The following NRAP variants were observed in gnomAD, a reference collection of about 807,000 sequenced individuals.
NRAP encodes the protein nebulin-related-anchoring protein.
Under a neutral mutation model 225.9 loss-of-function variants are expected in NRAP, and 189 were observed. That is an observed-to-expected ratio of 0.84 (90% CI 0.74 to 0.94). The LOEUF is 0.94. Ranked by LOEUF, NRAP falls within the 40% of genes least tolerant of loss-of-function variation. NRAP has a pLI of 0.00. For missense variants in NRAP, 2,176 were observed against 2,168.7 expected (o/e 1.00, Z -0.07); for synonymous variants, 769 against 790.7 (o/e 0.97, Z 0.46).
chr10:113,589,548 T>G, intron 41 of NRAP, 118 bp downstream of exon 41: 1 of 1,271,558 alleles, frequency 7.9e-7, no homozygotes, highest in Non-Finnish European at 1.1e-6. Context: ...GAGCTGCGTT[T>G]CACACTTCTT....
chr10:113,639,563 T>G (rs1247028447), intron 14 of NRAP, among the ~76,000 whole-genome samples: 9 of 152,258 alleles, frequency 5.9e-5, no homozygotes, highest in African/African-American at 2.2e-4. Flanking sequence ...ACCTTTCTTC[T>G]AAGCCACCTT....
rs149197500 is a variant in NRAP at position 113,636,402 on chromosome 10, C to A, written c.1429-2192G>T. On this transcript the variant is annotated intron_variant, in intron 14 of 41. Coordinates refer to ENST00000359988, the MANE Select transcript of NRAP (RefSeq NM_198060.4). ...TCCTATCTGCTGCTAACTCCTATGG[C>A]CACCTCCCTGAGATGACAGCCCACC... Among the ~76,000 whole-genome samples, 76 of 152,276 alleles carry A rather than the reference C, an allele frequency of 5.0e-4. No homozygotes were observed. In the East Asian group the frequency reaches 0.014, roughly 27 times the overall value.
At chr10:113,590,327 G>A (rs983392137) in intron 40 of NRAP, among the ~76,000 whole-genome samples, 17 of 152,224 alleles carry the variant, frequency 1.1e-4, no homozygotes, top group African/African-American at 3.6e-4. Context: ...AAATGAAGCA[G>A]CCCTGGGGTT....
Position 113,610,355 on chromosome 10 carries a change from A to T in NRAP, c.3603+104T>A, listed in dbSNP as rs980206628. ...ACAGAGCGAGACTCCATCTCAAATT[A>T]AAAAAAAAAAAAAAAAAAGGAAGAA... is the stretch of plus-strand genomic sequence containing the variant. On this transcript the variant is annotated intron_variant, in intron 31 of 41. Transcript: ENST00000359988. 49 of 117,212 alleles carry T rather than the reference A, an allele frequency of 4.2e-4. No individual in the cohort carries two copies. In the East Asian group the frequency reaches 4.5e-3, roughly 11 times the overall value. The allele number at this position is 117,212 out of a possible 1,614,324, so 7.3% of individuals were successfully genotyped here. A position where few individuals can be genotyped will look rare whatever the true frequency, so the allele number is the denominator to read the frequency against.
chr10:113,635,586 C>T (rs1012714385), intron 14 of NRAP, among the ~76,000 whole-genome samples: 3 of 152,170 alleles, frequency 2.0e-5, no homozygotes, highest in Non-Finnish European at 2.9e-5. Context: ...CACCACTATG[C>T]CTGGCTAATT....
At chr10:113,612,071 C>T (rs1308229203) in intron 30 of NRAP, among the ~76,000 whole-genome samples, 163 bp downstream of exon 30, 1 of 152,120 alleles carries the variant, frequency 6.6e-6, no homozygotes, top group African/African-American at 2.4e-5. Context: ...TGTAACTGTG[C>T]TTAAGGGATG....
intron 36 of NRAP, among the ~76,000 whole-genome samples, chr10:113,597,498 CA>C (rs1447775506): frequency 2.0e-5 from 3 of 152,188 alleles, no homozygotes; most frequent in African/African-American, 7.2e-5. Context: ...TGTCCAAATA[CA>C]TTCTGTTATT....
At chr10:113,614,396 T>C (rs1847517864) in intron 28 of NRAP, 100 bp from the exon 29 acceptor site, 1 of 847,092 alleles carries the variant, frequency 1.2e-6, no homozygotes, top group Non-Finnish European at 2.0e-6. Context: ...CTTTTGACAG[T>C]AGCTGGGTGA....
intron 35 of NRAP, among the ~76,000 whole-genome samples, chr10:113,604,219 C>T (rs535328385): frequency 1.3e-3 from 193 of 152,236 alleles, no homozygotes; most frequent in Non-Finnish European, 1.4e-3. Context: ...CGGGTTCAAG[C>T]GATTCTCCTG....
chr10:113,591,645 C>G (rs1715956439), intron 39 of NRAP, among the ~76,000 whole-genome samples: 1 of 152,228 alleles, frequency 6.6e-6, no homozygotes, highest in Admixed American at 6.5e-5. Flanking sequence ...GGTGCCCTCT[C>G]TTGCAGAATA....
At chr10:113,625,264 CA>C (rs781769786) in intron 21 of NRAP, among the ~76,000 whole-genome samples, 6 of 152,156 alleles carry the variant, frequency 3.9e-5, no homozygotes, top group African/African-American at 9.7e-5. Flanking sequence ...AATACCCCAC[CA>C]GGGGGTTCAG....
intron 3 of NRAP, among the ~76,000 whole-genome samples, chr10:113,660,070 A>ACACACG (rs959623032): frequency 6.6e-6 from 1 of 150,524 alleles, no homozygotes; most frequent in Admixed American, 6.7e-5. Flanking sequence ...ACACACACAC[A>ACACACG]CACACACACA....
intron 3 of NRAP, among the ~76,000 whole-genome samples, chr10:113,661,505 G>C (rs1419990638): frequency 6.6e-6 from 1 of 152,142 alleles, no homozygotes; most frequent in East Asian, 1.9e-4. Context: ...CTTGGGTAAA[G>C]AGGGATCACT....
intron 34 of NRAP, 31 bp from the exon 35 acceptor site, chr10:113,604,951 A>G (rs1846862145): frequency 3.8e-6 from 6 of 1,592,804 alleles, no homozygotes; most frequent in Non-Finnish European, 4.3e-6. Context: ...GTCAAATTCT[A>G]TCTGTGCGTT....
chr10:113,622,097 G>A lies in NRAP; in HGVS notation c.2541C>T (p.His847=). The A allele has an allele frequency of 6.2e-7, 1 of 1,614,104 alleles. No individual in the cohort carries two copies. The highest frequency in any genetic ancestry group is 8.5e-7 in the Non-Finnish European group (1 of 1,179,932). ...TCTGCAGCTTGGACATTTGCAGTGA[G>A]TGGCTCATTTGCGAATCTCCCTGTA... ...KDVQGDSQMS[H]SLQMSKLQSE... Residue 847 remains histidine, a synonymous_variant, in exon 24 of 42, where the codon CAC becomes CAT. Transcript: ENST00000359988.
In NRAP at chr10:113,641,413, C is replaced by T. The variant is rs756663323; in HGVS notation, c.1275G>A (p.Met425Ile). Residue 425 changes from methionine (M) to isoleucine (I), a missense_variant, in exon 13 of 42, where the codon ATG (methionine) becomes ATA (isoleucine). Transcript: ENST00000359988. The stretch of plus-strand genomic sequence containing the variant: ...TCATAGCATGCAGAGTGCGTCTGTC[C>T]ATACCAACTCCTTCATAGCGGCCTC... ...HMRGRYEGVG[M>I]DRRTLHAMKV... The T allele has an allele frequency of 1.2e-6, 2 of 1,614,056 alleles. No homozygotes were observed. The highest frequency in any genetic ancestry group is 1.7e-6 in the Non-Finnish European group (2 of 1,179,930).
At chr10:113,660,196 C>T (rs10885491) in intron 3 of NRAP, among the ~76,000 whole-genome samples, 25,113 of 151,904 alleles carry the variant, frequency 0.17, 2,403 homozygotes, top group Middle Eastern at 0.26. Flanking sequence ...ATCCCACATG[C>T]ATGTACATAT....
intron 36 of NRAP, among the ~76,000 whole-genome samples, chr10:113,597,576 A>G (rs758363320): frequency 6.6e-6 from 1 of 152,178 alleles, no homozygotes; most frequent in Non-Finnish European, 1.5e-5. Context: ...GGCTGTTAGT[A>G]TGGTAAGGAG....
chr10:113,588,928 T>C lies in NRAP; in HGVS notation c.*47A>G. On this transcript the variant is annotated 3_prime_UTR_variant, in exon 42 of 42. Transcript: ENST00000359988. ...AAAGCCATCTGAAGCCTGTCTCTGG[T>C]GAACAAACTTCCTCTCTGGCCTCTC... 8.8e-6 allele frequency: 13 copies of C among 1,482,354 alleles called. No homozygotes were observed. The highest frequency in any genetic ancestry group is 1.1e-5 in the South Asian group (1 of 87,784). 91.8% of individuals were successfully genotyped at this position (1,482,354 alleles called of 1,614,324 possible). A position where few individuals can be genotyped will look rare whatever the true frequency, so the allele number is the denominator to read the frequency against.
Sources: allele counts gnomAD v4.1 joint callset (sites outside exome capture counted in the v4.1 genomes callset), GRCh38; gene constraint gnomAD v4.1.1; transcripts MANE v1.5; gene names NCBI Gene and HGNC (gene_info 2026-07-23, HGNC 2026-07-21).